The following RBFOX1 variants were observed in gnomAD, a reference collection of about 807,000 sequenced individuals.
RBFOX1 encodes the protein RNA binding protein fox-1 homolog 1.
In RBFOX1, 8 loss-of-function variants were observed where a neutral mutation model predicts 57.7. That is an observed-to-expected ratio of 0.14 (90% CI 0.08 to 0.25). The LOEUF is 0.25. Among genes scored for constraint, RBFOX1 ranks in the 10% least tolerant of loss-of-function variants. The pLI is 1.00. For missense variants in RBFOX1, 611 were observed against 548.5 expected (o/e 1.11, Z -1.14); for synonymous variants, 326 against 222.4 (o/e 1.47, Z -4.15).
chr16:5,366,479 A>G, intron 1 of RBFOX1: 1 of 439,380 alleles, frequency 2.3e-6, no homozygotes, highest in East Asian at 5.7e-5. Context: ...TCAAAAGGGC[A>G]AGAATCCTTC....
At chr16:6,196,259 C>CT (rs1555546605) in intron 1 of RBFOX1, among the ~76,000 whole-genome samples, 17 of 152,112 alleles carry the variant, frequency 1.1e-4, no homozygotes, top group African/African-American at 4.8e-5. Flanking sequence ...TAAGCTCGTG[C>CT]TTTTTTTACC....
chr16:7,158,486 T>G (rs1222734463), intron 4 of RBFOX1, among the ~76,000 whole-genome samples: 2 of 152,134 alleles, frequency 1.3e-5, no homozygotes, highest in African/African-American at 4.8e-5. Context: ...ATTTCCCTAG[T>G]TAAATTTGTA....
At chr16:6,810,401 T>G (rs2088182759) in intron 3 of RBFOX1, among the ~76,000 whole-genome samples, 2 of 152,106 alleles carry the variant, frequency 1.3e-5, no homozygotes, top group African/African-American at 2.4e-5. Context: ...AAACTAAGCG[T>G]GGACAATGGT....
chr16:6,255,217 T>G (rs2097653040), intron 1 of RBFOX1, among the ~76,000 whole-genome samples: 1 of 152,150 alleles, frequency 6.6e-6, no homozygotes, highest in Admixed American at 6.5e-5. Flanking sequence ...TGCTTTGACT[T>G]CTACCTGTCA....
At chr16:7,567,965 C>A (rs999710807) in intron 5 of RBFOX1, among the ~76,000 whole-genome samples, 2 of 150,686 alleles carry the variant, frequency 1.3e-5, no homozygotes, top group Non-Finnish European at 3.0e-5. Context: ...CAGTATTGCC[C>A]AAGAAAAAAC....
chr16:6,422,703 T>G, intron 2 of RBFOX1, among the ~76,000 whole-genome samples: 1 of 151,978 alleles, frequency 6.6e-6, no homozygotes, highest in African/African-American at 2.4e-5. Flanking sequence ...AACAACCGGA[T>G]CTCAGGGGAA....
chr16:5,569,349 A>G (rs2046187842), intron 2 of RBFOX1, among the ~76,000 whole-genome samples: 1 of 149,098 alleles, frequency 6.7e-6, no homozygotes, highest in Admixed American at 6.7e-5. Context: ...AATCACTTCC[A>G]CTGGCTAACG....
At chr16:7,541,736 C>T (rs2152470416) in intron 5 of RBFOX1, among the ~76,000 whole-genome samples, 1 of 152,288 alleles carries the variant, frequency 6.6e-6, no homozygotes, top group African/African-American at 2.4e-5. Flanking sequence ...GCCATGCTTT[C>T]CTAGTCATTA....
At chr16:6,043,661 G>C (rs182042539) in intron 1 of RBFOX1, among the ~76,000 whole-genome samples, 5 of 152,244 alleles carry the variant, frequency 3.3e-5, no homozygotes, top group Admixed American at 3.3e-4. Context: ...TGTTCAGTCA[G>C]TTGAAGAGAC....
chr16:6,444,717 A>G (rs1198599917), intron 2 of RBFOX1, among the ~76,000 whole-genome samples: 1 of 152,142 alleles, frequency 6.6e-6, no homozygotes, highest in East Asian at 1.9e-4. Flanking sequence ...GAAAAGGCCA[A>G]AGAGGCCAAA....
chr16:6,423,186 T>C (rs2093824840), intron 2 of RBFOX1, among the ~76,000 whole-genome samples: 1 of 152,226 alleles, frequency 6.6e-6, no homozygotes, highest in African/African-American at 2.4e-5. Context: ...ACACCCAACT[T>C]TCTCTGATAA....
chr16:7,641,774 T>G (rs1054394866), intron 11 of RBFOX1, among the ~76,000 whole-genome samples: 1 of 152,174 alleles, frequency 6.6e-6, no homozygotes, highest in Non-Finnish European at 1.5e-5. Flanking sequence ...ACTGTCACGG[T>G]AGACTAGTGC....
intron 3 of RBFOX1, among the ~76,000 whole-genome samples, chr16:6,950,874 T>A (rs1339088968): frequency 6.6e-6 from 1 of 151,378 alleles, no homozygotes; most frequent in South Asian, 2.1e-4. Context: ...TGTCTCTCTT[T>A]CTCTCTTTCT....
At chr16:7,697,973 G>C (rs1410047307) in intron 14 of RBFOX1, among the ~76,000 whole-genome samples, 2 of 152,184 alleles carry the variant, frequency 1.3e-5, no homozygotes, top group Non-Finnish European at 2.9e-5. Flanking sequence ...GAGTACTGGT[G>C]TAGTTGTGGG....
chr16:6,919,323 C>T (rs959365863), intron 3 of RBFOX1, among the ~76,000 whole-genome samples: 1 of 152,112 alleles, frequency 6.6e-6, no homozygotes, highest in East Asian at 1.9e-4. Context: ...TCCTATTTAT[C>T]CTGTTTACAT....
intron 4 of RBFOX1, among the ~76,000 whole-genome samples, chr16:7,377,459 A>T (rs74010694): frequency 1.3e-5 from 2 of 152,354 alleles, no homozygotes; most frequent in African/African-American, 2.4e-5. Context: ...GATATATTCA[A>T]TATGACAGCT....
intron 4 of RBFOX1, among the ~76,000 whole-genome samples, chr16:7,400,611 T>C (rs2098225255): frequency 6.6e-6 from 1 of 152,232 alleles, no homozygotes; most frequent in Non-Finnish European, 1.5e-5. Context: ...ATAGGTGGTA[T>C]TGCTCCTAAC....
chr16:7,616,087 A>G lies in RBFOX1; in HGVS notation c.676+8749A>G, dbSNP rs143513939. 2.2e-3 allele frequency among the ~76,000 whole-genome samples: 334 copies of G among 152,352 alleles called. 2 individuals carry two copies. Among genetic ancestry groups the G allele is most frequent in the African/African-American group, 7.7e-3 (322 of 41,582 alleles). On this transcript the variant is annotated intron_variant, in intron 10 of 15. Coordinates refer to ENST00000550418, the MANE Select transcript of RBFOX1 (RefSeq NM_018723.4). The stretch of plus-strand genomic sequence containing the variant: ...AGGGAAAAGCATAAACTTTGATTTG[A>G]TACCACACAGCTGTGTTGGGAGTCC...
chr16:5,938,185 A>G (rs186417630), intron 4 of RBFOX1, among the ~76,000 whole-genome samples: 125 of 152,254 alleles, frequency 8.2e-4, no homozygotes, highest in African/African-American at 2.9e-3. Flanking sequence ...CTCCTTCTGG[A>G]ATATTCTACC....
Sources: allele counts gnomAD v4.1 joint callset (sites outside exome capture counted in the v4.1 genomes callset), GRCh38; gene constraint gnomAD v4.1.1; transcripts MANE v1.5; gene names NCBI Gene and HGNC (gene_info 2026-07-23, HGNC 2026-07-21).